PTPRD: variants seen among roughly 807,000 people sequenced by gnomAD.
PTPRD encodes protein tyrosine phosphatase receptor type D, also known as receptor-type tyrosine-protein phosphatase delta.
In PTPRD, 34 loss-of-function variants were observed where a neutral mutation model predicts 214.5. The observed-to-expected ratio is 0.16, with a 90% CI of 0.12 to 0.21. The LOEUF (loss-of-function observed/expected upper bound fraction) is 0.21, where lower values mean the gene tolerates loss of function less well. Among genes scored for constraint, PTPRD ranks in the 10% least tolerant of loss-of-function variants. The pLI is 1.00. For synonymous variants in PTPRD, 1,128 were observed against 845.7 expected (o/e 1.33, Z -5.79); for missense variants, 2,545 against 2,398.7 (o/e 1.06, Z -1.27).
At chr9:9,831,861 T>C (rs774469760) in intron 5 of PTPRD, among the ~76,000 whole-genome samples, 2 of 152,048 alleles carry the variant, frequency 1.3e-5, no homozygotes, top group Admixed American at 1.3e-4. Context: ...AGAGTTTCTA[T>C]ATTCTTTATG....
At chr9:10,579,395 C>G (rs2070847906) in intron 2 of PTPRD, among the ~76,000 whole-genome samples, 1 of 152,124 alleles carries the variant, frequency 6.6e-6, no homozygotes, top group Non-Finnish European at 1.5e-5. Context: ...TGTTAATTCA[C>G]TTAGGACAGT....
intron 2 of PTPRD, among the ~76,000 whole-genome samples, chr9:10,520,489 G>C (rs944384234): frequency 1.3e-5 from 2 of 152,230 alleles, no homozygotes; most frequent in Non-Finnish European, 2.9e-5. Context: ...TGCTGATGTA[G>C]AAGCTACGGC....
intron 8 of PTPRD, among the ~76,000 whole-genome samples, chr9:9,472,616 C>A (rs978131182): frequency 2.6e-5 from 4 of 152,096 alleles, no homozygotes; most frequent in Admixed American, 2.0e-4. Flanking sequence ...AAAAAATAGG[C>A]TAAAATAATG....
At chr9:10,534,035 T>C (rs551667318) in intron 2 of PTPRD, among the ~76,000 whole-genome samples, 5 of 151,780 alleles carry the variant, frequency 3.3e-5, no homozygotes, top group African/African-American at 1.2e-4. Flanking sequence ...CATAGTGAAA[T>C]GTATTTTTAT....
intron 10 of PTPRD, among the ~76,000 whole-genome samples, chr9:9,023,432 C>T (rs17587918): frequency 4.0e-5 from 6 of 151,814 alleles, no homozygotes; most frequent in Admixed American, 2.6e-4. Flanking sequence ...AAACACAAAA[C>T]GCCTAGGACC....
At chr9:8,383,973 G>A (rs1455500462) in intron 37 of PTPRD, among the ~76,000 whole-genome samples, 1 of 152,132 alleles carries the variant, frequency 6.6e-6, no homozygotes, top group Non-Finnish European at 1.5e-5. Flanking sequence ...TTCTCTCTGT[G>A]TTCTGTATTT....
At chr9:8,750,091 G>C (rs2093361743) in intron 11 of PTPRD, among the ~76,000 whole-genome samples, 1 of 150,018 alleles carries the variant, frequency 6.7e-6, no homozygotes, top group Non-Finnish European at 1.5e-5. Flanking sequence ...AACAGCATGA[G>C]ACTCTGTCTC....
intron 12 of PTPRD, among the ~76,000 whole-genome samples, chr9:8,714,728 G>A (rs1396226165): frequency 1.3e-5 from 2 of 151,972 alleles, no homozygotes; most frequent in Admixed American, 6.6e-5. Context: ...TCACTGACCT[G>A]ACTACCCAAT....
chr9:10,150,271 T>C (rs200635729), intron 3 of PTPRD, among the ~76,000 whole-genome samples: 1 of 152,094 alleles, frequency 6.6e-6, no homozygotes, highest in African/African-American at 2.4e-5. Context: ...CAAATGTCCA[T>C]CAATGATAGA....
intron 37 of PTPRD, among the ~76,000 whole-genome samples, chr9:8,379,063 A>G (rs1173051806): frequency 6.6e-6 from 1 of 152,180 alleles, no homozygotes; most frequent in Non-Finnish European, 1.5e-5. Context: ...AAAGAAGAAA[A>G]AAGTTGCTTT....
intron 11 of PTPRD, among the ~76,000 whole-genome samples, chr9:8,834,319 T>A (rs1429827032): frequency 6.6e-6 from 1 of 152,152 alleles, no homozygotes; most frequent in African/African-American, 2.4e-5. Flanking sequence ...AAAATTTTCA[T>A]ATATCATATG....
chr9:8,980,069 C>T (rs768398540), intron 11 of PTPRD, among the ~76,000 whole-genome samples: 3 of 152,132 alleles, frequency 2.0e-5, no homozygotes, highest in Non-Finnish European at 4.4e-5. Flanking sequence ...GGAAATCCTG[C>T]CATTTGCCAT....
chr9:9,254,584 C>A (rs574167623), intron 9 of PTPRD, among the ~76,000 whole-genome samples: 9 of 152,092 alleles, frequency 5.9e-5, no homozygotes, highest in Admixed American at 5.9e-4. Context: ...AATAATATAT[C>A]TTTCAATAGT....
intron 7 of PTPRD, among the ~76,000 whole-genome samples, chr9:9,722,172 A>C (rs986774893): frequency 5.3e-5 from 8 of 152,068 alleles, no homozygotes; most frequent in Non-Finnish European, 1.0e-4. Context: ...TGTAACCATC[A>C]CAACTACTTA....
At chr9:10,207,750 C>T (rs1487562295) in intron 3 of PTPRD, among the ~76,000 whole-genome samples, 2 of 151,436 alleles carry the variant, frequency 1.3e-5, no homozygotes, top group Non-Finnish European at 2.9e-5. Flanking sequence ...TAATTCTCAA[C>T]CCCTTGAATA....
intron 14 of PTPRD, among the ~76,000 whole-genome samples, chr9:8,592,085 A>T (rs2094148441): frequency 6.6e-6 from 1 of 152,194 alleles, no homozygotes; most frequent in Non-Finnish European, 1.5e-5. Flanking sequence ...GGTGACTTTA[A>T]CATGGAAATT....
At chr9:8,353,381 G>A (rs193112323) in intron 39 of PTPRD, among the ~76,000 whole-genome samples, 1 of 151,886 alleles carries the variant, frequency 6.6e-6, no homozygotes, top group Admixed American at 6.6e-5. Flanking sequence ...ATGGGTTTCT[G>A]AATTATGAAT....
chr9:9,287,335 TC>T, intron 9 of PTPRD, among the ~76,000 whole-genome samples: 1 of 151,952 alleles, frequency 6.6e-6, no homozygotes. Flanking sequence ...TATTTCATCG[TC>T]ACCTTTTTCT....
At chr9:10,368,053 T>A (rs2097545620) in intron 2 of PTPRD, among the ~76,000 whole-genome samples, 1 of 152,114 alleles carries the variant, frequency 6.6e-6, no homozygotes, top group South Asian at 2.1e-4. Context: ...AAGCTAGGGC[T>A]ATAGCAGGTG....
Sources: gnomAD v4.1 joint callset for allele counts (sites outside exome capture counted in the v4.1 genomes callset) on GRCh38, gnomAD v4.1.1 for gene constraint, MANE v1.5 for transcripts, NCBI Gene and HGNC (gene_info 2026-07-23, HGNC 2026-07-21) for gene names.